Variants in CNTNAP2 observed in about 807,000 individuals in gnomAD.
The protein encoded by CNTNAP2 is contactin associated protein 2, also known as contactin-associated protein-like 2.
In CNTNAP2, 98 loss-of-function variants were observed where a neutral mutation model predicts 155.2. That is an observed-to-expected ratio of 0.63 (90% CI 0.54 to 0.75). CNTNAP2 has a LOEUF of 0.75. CNTNAP2 is among the 30% of genes least tolerant of loss of function. CNTNAP2 has a pLI of 0.00. For synonymous variants in CNTNAP2, 651 were observed against 631.2 expected, an observed-to-expected ratio of 1.03 and a Z score of -0.47; for missense variants, 1,727 against 1,688.1, an observed-to-expected ratio of 1.02 and a Z score of -0.40.
chr7:147,818,613 G>A (rs1424718176), intron 13 of CNTNAP2, among the ~76,000 whole-genome samples: 1 of 152,164 alleles, frequency 6.6e-6, no homozygotes, highest in African/African-American at 2.4e-5. Context: ...CACTGTCAAT[G>A]AGAGACGTTT....
chr7:146,124,190 A>G (rs554612164), intron 1 of CNTNAP2, among the ~76,000 whole-genome samples: 3 of 152,306 alleles, frequency 2.0e-5, no homozygotes, highest in Admixed American at 6.5e-5. Context: ...TGGCACATGT[A>G]TACCTGTGTA....
intron 9 of CNTNAP2, among the ~76,000 whole-genome samples, chr7:147,344,171 T>C (rs953605290): frequency 1.3e-5 from 2 of 152,142 alleles, no homozygotes; most frequent in African/African-American, 4.8e-5. Flanking sequence ...CTCCAAAGAA[T>C]GAGCAGTTGC....
chr7:147,402,284 C>A (rs1796930176), intron 10 of CNTNAP2, among the ~76,000 whole-genome samples: 1 of 152,178 alleles, frequency 6.6e-6, no homozygotes, highest in Admixed American at 6.5e-5. Flanking sequence ...GGGGTGGGAT[C>A]TGTCCCACCT....
intron 1 of CNTNAP2, among the ~76,000 whole-genome samples, chr7:146,640,654 A>G (rs191113614): frequency 6.6e-6 from 1 of 152,336 alleles, no homozygotes; most frequent in African/African-American, 2.4e-5. Context: ...GGTTATCCGT[A>G]GCACCTACTG....
rs868251949 is a variant in CNTNAP2, at chr7:147,748,347, T to C, written c.2098+109041T>C. Among the ~76,000 whole-genome samples, 3 of 152,202 alleles carry C rather than the reference T, an allele frequency of 2.0e-5. No homozygotes were observed. In the South Asian group the frequency reaches 6.2e-4, roughly 32 times the overall value. On this transcript the variant is annotated intron_variant, in intron 13 of 23. Coordinates refer to ENST00000361727, the MANE Select transcript of CNTNAP2 (RefSeq NM_014141.6). ...TTAAAATTGTTTTTTTTTCTGATCA[T>C]GCACATTAAGATGTGATGAATGAAA...
At chr7:147,611,994 A>T (rs1483781887) in intron 12 of CNTNAP2, among the ~76,000 whole-genome samples, 2 of 152,202 alleles carry the variant, frequency 1.3e-5, no homozygotes, top group East Asian at 3.9e-4. Flanking sequence ...TCTAAACAAA[A>T]CTATCTATAA....
chr7:147,656,541 G>C (rs1795527584), intron 13 of CNTNAP2, among the ~76,000 whole-genome samples: 1 of 152,142 alleles, frequency 6.6e-6, no homozygotes, highest in South Asian at 2.1e-4. Flanking sequence ...AAAGATGAGG[G>C]ATCAGCTGGT....
At position 147,462,638 on chromosome 7, in the gene CNTNAP2, A is replaced by T. The variant is rs763453109; in HGVS notation, c.1671-23297A>T. 1.3e-4 allele frequency among the ~76,000 whole-genome samples: 20 copies of T among 152,260 alleles called. 1 individual carries two copies. The highest frequency in any genetic ancestry group is 1.1e-3 in the Admixed American group (17 of 15,290). On this transcript the variant is annotated intron_variant, in intron 10 of 23. Coordinates refer to ENST00000361727, the MANE Select transcript of CNTNAP2 (RefSeq NM_014141.6). The stretch of plus-strand genomic sequence containing the variant: ...GAAAAAGGCAGTTGTCATATACCAT[A>T]GTAACCAGAACTTCCATAAACGAGT...
At chr7:146,545,441 A>G (rs1478837690) in intron 1 of CNTNAP2, among the ~76,000 whole-genome samples, 1 of 151,698 alleles carries the variant, frequency 6.6e-6, no homozygotes, top group Non-Finnish European at 1.5e-5. Context: ...GGCTGCACCC[A>G]TCAACCCATC....
At chr7:146,170,041 G>T (rs1274117002) in intron 1 of CNTNAP2, among the ~76,000 whole-genome samples, 1 of 143,760 alleles carries the variant, frequency 7.0e-6, no homozygotes, top group African/African-American at 2.6e-5. Flanking sequence ...TTTTTGGAGT[G>T]GGGTGGTCTC....
At chr7:148,375,728 C>T (rs934336320) in intron 21 of CNTNAP2, among the ~76,000 whole-genome samples, 5 of 151,538 alleles carry the variant, frequency 3.3e-5, no homozygotes, top group South Asian at 2.1e-4. Context: ...TTTAGAAATG[C>T]GAATGACACC....
intron 13 of CNTNAP2, among the ~76,000 whole-genome samples, chr7:147,893,323 G>T (rs1799723592): frequency 6.6e-6 from 1 of 152,048 alleles, no homozygotes; most frequent in Non-Finnish European, 1.5e-5. Context: ...GTATTAAAAG[G>T]ACTGTATTAT....
At chr7:147,690,439 T>C (rs1796070895) in intron 13 of CNTNAP2, among the ~76,000 whole-genome samples, 1 of 152,156 alleles carries the variant, frequency 6.6e-6, no homozygotes, top group South Asian at 2.1e-4. Flanking sequence ...CATCAATACA[T>C]CATTACCGAC....
chr7:146,564,497 T>C (rs999807806), intron 1 of CNTNAP2, among the ~76,000 whole-genome samples: 17 of 149,460 alleles, frequency 1.1e-4, no homozygotes, highest in African/African-American at 3.9e-4. Flanking sequence ...TATATAATTA[T>C]ATATTAGAGT....
At chr7:147,977,139 G>A (rs752253714) in intron 14 of CNTNAP2, among the ~76,000 whole-genome samples, 3 of 152,118 alleles carry the variant, frequency 2.0e-5, no homozygotes, top group Non-Finnish European at 2.9e-5. Flanking sequence ...GGGTTTCTAT[G>A]CTCCATTCTA....
chr7:147,083,928 T>C (rs973931271), intron 4 of CNTNAP2, among the ~76,000 whole-genome samples: 13 of 139,508 alleles, frequency 9.3e-5, no homozygotes, highest in African/African-American at 3.1e-4. Flanking sequence ...CATATACACA[T>C]GTATGTATAT....
chr7:146,551,089 G>A (rs2129142757), intron 1 of CNTNAP2, among the ~76,000 whole-genome samples: 1 of 152,132 alleles, frequency 6.6e-6, no homozygotes, highest in Non-Finnish European at 1.5e-5. Context: ...TCTTAGTAAG[G>A]CACATGTGAT....
At chr7:146,468,765 C>T (rs1043880654) in intron 1 of CNTNAP2, among the ~76,000 whole-genome samples, 1 of 152,032 alleles carries the variant, frequency 6.6e-6, no homozygotes, top group Non-Finnish European at 1.5e-5. Flanking sequence ...CTACCTTCCT[C>T]AGTAAGAATA....
chr7:148,255,522 C>T (rs945517973), intron 20 of CNTNAP2, among the ~76,000 whole-genome samples: 15 of 152,180 alleles, frequency 9.9e-5, no homozygotes, highest in African/African-American at 3.6e-4. Flanking sequence ...AAGTAAATCA[C>T]TGTGTGAAAG....
Sources: gnomAD v4.1 joint callset for allele counts (sites outside exome capture counted in the v4.1 genomes callset) on GRCh38, gnomAD v4.1.1 for gene constraint, MANE v1.5 for transcripts, NCBI Gene and HGNC (gene_info 2026-07-23, HGNC 2026-07-21) for gene names.